SPECC1: variants seen among roughly 807,000 people sequenced by gnomAD.
SPECC1 encodes the protein sperm antigen with calponin homology and coiled-coil domains 1.
A neutral mutation model predicts 104.1 loss-of-function variants in SPECC1; 62 were observed. The observed-to-expected ratio is 0.60, with a 90% confidence interval of 0.49 to 0.74. The LOEUF (loss-of-function observed/expected upper bound fraction) is 0.74, where lower values mean the gene tolerates loss of function less well. Ranked by LOEUF, SPECC1 falls within the 30% of genes least tolerant of loss-of-function variation. The probability of loss-of-function intolerance (pLI) is 0.00; values close to 1 mark genes in which losing one functional copy is unlikely to be tolerated. For missense variants in SPECC1, 1,306 were observed against 1,310.5 expected, an observed-to-expected ratio of 1.00 and a Z score of 0.05; for synonymous variants, 513 against 501.6, an observed-to-expected ratio of 1.02 and a Z score of -0.30.
At chr17:20,025,879 C>A (rs1055023832) in intron 1 of SPECC1, among the ~76,000 whole-genome samples, 1 of 152,054 alleles carries the variant, frequency 6.6e-6, no homozygotes, top group African/African-American at 2.4e-5. Flanking sequence ...TTTGTTATTA[C>A]CTTTTTATTC....
chr17:20,122,956 T>G (rs1054169807), intron 3 of SPECC1, among the ~76,000 whole-genome samples: 2 of 152,216 alleles, frequency 1.3e-5, no homozygotes, highest in African/African-American at 4.8e-5. Flanking sequence ...TGTACAGATA[T>G]CTCCTTGAGA....
intron 1 of SPECC1, among the ~76,000 whole-genome samples, chr17:20,066,394 G>A (rs1337716673): frequency 6.6e-6 from 1 of 152,176 alleles, no homozygotes; most frequent in East Asian, 1.9e-4. Flanking sequence ...TTCTTGTTCT[G>A]TGCAGAGCTG....
At chr17:20,310,733 G>GC (rs2041907258) in intron 14 of SPECC1, among the ~76,000 whole-genome samples, 1 of 152,232 alleles carries the variant, frequency 6.6e-6, no homozygotes, top group South Asian at 2.1e-4. Flanking sequence ...GTGCTGGCAT[G>GC]CCCCCGTGGA....
At chr17:20,113,354 T>C (rs906543960) in intron 3 of SPECC1, among the ~76,000 whole-genome samples, 1 of 152,124 alleles carries the variant, frequency 6.6e-6, no homozygotes, top group Non-Finnish European at 1.5e-5. Context: ...GGATTTTAAT[T>C]TATGGAAAGC....
chr17:20,279,683 A>G (rs145015539), intron 12 of SPECC1, among the ~76,000 whole-genome samples: 4 of 152,026 alleles, frequency 2.6e-5, no homozygotes, highest in Admixed American at 2.6e-4. Flanking sequence ...CTTATAATCA[A>G]TTTTTCAGTT....
At chr17:20,070,585 A>ATAAGG (rs1422066759) in intron 1 of SPECC1, among the ~76,000 whole-genome samples, 4 of 152,188 alleles carry the variant, frequency 2.6e-5, no homozygotes, top group Non-Finnish European at 5.9e-5. Flanking sequence ...TAATGGCTGC[A>ATAAGG]TAAGGCTTAA....
intron 12 of SPECC1, among the ~76,000 whole-genome samples, chr17:20,296,028 G>A (rs1024911997): frequency 3.9e-5 from 6 of 152,184 alleles, no homozygotes; most frequent in African/African-American, 1.4e-4. Flanking sequence ...AGTTTAATTA[G>A]ATCTCATTTG....
intron 1 of SPECC1, among the ~76,000 whole-genome samples, chr17:20,058,346 C>G (rs769485006): frequency 1.3e-5 from 2 of 152,046 alleles, no homozygotes; most frequent in Non-Finnish European, 2.9e-5. Context: ...AAATGTTTAT[C>G]CAGCTGGGTA....
At chr17:20,076,211 T>C (rs1356416705) in intron 1 of SPECC1, among the ~76,000 whole-genome samples, 2 of 152,236 alleles carry the variant, frequency 1.3e-5, no homozygotes, top group Non-Finnish European at 2.9e-5. Context: ...TACTATATTA[T>C]TCTTTTGAGA....
chr17:20,254,237 C>T (rs2151572752), intron 10 of SPECC1, among the ~76,000 whole-genome samples: 1 of 151,332 alleles, frequency 6.6e-6, no homozygotes, highest in East Asian at 2.0e-4. Flanking sequence ...TCAGCAGTCC[C>T]AGCAGTCCCC....
chr17:20,310,922 C>G (rs1323708979), intron 14 of SPECC1, among the ~76,000 whole-genome samples: 9 of 151,834 alleles, frequency 5.9e-5, no homozygotes, highest in Non-Finnish European at 1.3e-4. Flanking sequence ...CTTGTTGGAC[C>G]CTCATGGAGG....
intron 12 of SPECC1, among the ~76,000 whole-genome samples, chr17:20,275,703 T>C (rs1429769352): frequency 6.6e-6 from 1 of 152,210 alleles, no homozygotes; most frequent in Admixed American, 6.5e-5. Context: ...ACTTGTTAGT[T>C]GCATAGAGGT....
chr17:20,105,239 A>G (rs922949142), intron 2 of SPECC1, among the ~76,000 whole-genome samples: 1 of 152,160 alleles, frequency 6.6e-6, no homozygotes, highest in East Asian at 1.9e-4. Context: ...ACAGGCACGC[A>G]GTGCCACACC....
chr17:20,318,906 C>T lies in SPECC1; in HGVS notation c.*4841C>T. ...TGTGGCCTCGTGTCTATAAAGAGCACACTAGATTGTACCCAGCACTTTTGG... is the reference window on the plus strand; with the variant it reads ...TGTGGCCTCGTGTCTATAAAGAGCATACTAGATTGTACCCAGCACTTTTGG... On this transcript the variant is annotated 3_prime_UTR_variant, in exon 15 of 15. Transcript: ENST00000395527. 1 of 193,476 alleles carries T rather than the reference C, an allele frequency of 5.2e-6. No individual in the cohort carries two copies. Among genetic ancestry groups the T allele is most frequent in the Non-Finnish European group, 1.1e-5 (1 of 93,274 alleles). The allele number at this position is 193,476 out of a possible 1,614,324, so 12.0% of individuals were successfully genotyped here.
At chr17:20,244,081 A>C (rs1354912230) in intron 7 of SPECC1, among the ~76,000 whole-genome samples, 1 of 152,014 alleles carries the variant, frequency 6.6e-6, no homozygotes, top group South Asian at 2.1e-4. Flanking sequence ...AAAGATTAGC[A>C]AAGTGTGCTG....
At chr17:20,097,310 A>G (rs1228658602) in intron 2 of SPECC1, among the ~76,000 whole-genome samples, 4 of 152,172 alleles carry the variant, frequency 2.6e-5, no homozygotes, top group Non-Finnish European at 5.9e-5. Context: ...TTCTAGCTGC[A>G]TTCATTTCTT....
intron 3 of SPECC1, among the ~76,000 whole-genome samples, chr17:20,149,327 TC>T (rs2031765359): frequency 6.6e-6 from 1 of 152,208 alleles, no homozygotes; most frequent in South Asian, 2.1e-4. Flanking sequence ...GGCACTTGGC[TC>T]GTGTCAGGGA....
chr17:20,281,285 C>A (rs530178633), intron 12 of SPECC1, among the ~76,000 whole-genome samples: 43 of 152,274 alleles, frequency 2.8e-4, no homozygotes, highest in Non-Finnish European at 5.3e-4. Context: ...TGAGGACTTA[C>A]TATAAAAGAA....
chr17:20,220,912 T>G (rs2151429635), intron 4 of SPECC1, among the ~76,000 whole-genome samples: 1 of 152,332 alleles, frequency 6.6e-6, no homozygotes, highest in South Asian at 2.1e-4. Flanking sequence ...TCTCAAATGT[T>G]TTTTCAGCAT....
Sources: allele counts gnomAD v4.1 joint callset (sites outside exome capture counted in the v4.1 genomes callset), GRCh38; gene constraint gnomAD v4.1.1; transcripts MANE v1.5; gene names NCBI Gene and HGNC (gene_info 2026-07-23, HGNC 2026-07-21).